Variants in TLE1 observed in about 807,000 individuals in gnomAD.
TLE1 encodes the protein transducin-like enhancer protein 1.
In TLE1, 21 loss-of-function variants were observed where a neutral mutation model predicts 89.8. The observed-to-expected ratio is 0.23, with a 90% CI of 0.17 to 0.34. TLE1 has a LOEUF of 0.34. Ranked by LOEUF, TLE1 falls within the 10% of genes least tolerant of loss-of-function variation. The pLI, the probability that TLE1 is intolerant of heterozygous loss-of-function variation, is 1.00. For missense variants in TLE1, 795 were observed against 1,031.2 expected (o/e 0.77, Z 3.14); for synonymous variants, 447 against 407.6 (o/e 1.10, Z -1.16).
At position 81,613,445 on chromosome 9, in the gene TLE1, C is replaced by T; in HGVS notation, c.995G>A (p.Ser332Asn). 1.2e-6 allele frequency: 2 copies of T among 1,614,188 alleles called. No homozygotes were observed. Among genetic ancestry groups the T allele is most frequent in the Non-Finnish European group, 1.7e-6 (2 of 1,180,026 alleles). The change falls in exon 12 of 20, where the codon AGC becomes AAC. Residue 332 changes from serine (S) to asparagine (N), a missense_variant. Coordinates refer to ENST00000376499, the MANE Select transcript of TLE1 (RefSeq NM_005077.5). ...PRSDMPTPGT[S>N]ATPGLRPGLG... ...ACCTGGACGGAGGCCTGGAGTGGCG[C>T]TGGTGCCCGGCGTTGGCATGTCGCT...
intron 2 of TLE1, 37 bp downstream of exon 2, chr9:81,687,297 G>T: frequency 6.4e-7 from 1 of 1,562,428 alleles, no homozygotes; most frequent in Non-Finnish European, 8.7e-7. Flanking sequence ...GCACCGGGAC[G>T]CCCGCGACCA....
intron 4 of TLE1, among the ~76,000 whole-genome samples, chr9:81,672,629 A>G (rs1327738663): frequency 6.6e-6 from 1 of 152,076 alleles, no homozygotes; most frequent in East Asian, 1.9e-4. Flanking sequence ...AGAAAACTAC[A>G]TGCACACACT....
At chr9:81,660,934 AAC>A (rs548190067) in intron 4 of TLE1, among the ~76,000 whole-genome samples, 8,714 of 88,664 alleles carry the variant, frequency 0.098, 378 homozygotes, top group East Asian at 0.23. Context: ...ATCCCTACTA[AAC>A]ACACACACAC....
chr9:81,621,969 C>T (rs1012424956), intron 8 of TLE1, among the ~76,000 whole-genome samples: 6 of 152,284 alleles, frequency 3.9e-5, no homozygotes, highest in South Asian at 2.1e-4. Context: ...TATAGAGAAG[C>T]TCTAAGTAAT....
intron 4 of TLE1, among the ~76,000 whole-genome samples, chr9:81,676,744 C>G (rs1832950040): frequency 6.6e-6 from 1 of 152,180 alleles, no homozygotes; most frequent in South Asian, 2.1e-4. Flanking sequence ...TTTACATCTG[C>G]TATCTTAAAG....
intron 4 of TLE1, among the ~76,000 whole-genome samples, chr9:81,685,343 C>A (rs1183341077): frequency 6.6e-6 from 1 of 152,172 alleles, no homozygotes; most frequent in Non-Finnish European, 1.5e-5. Flanking sequence ...CTATTCTAAA[C>A]TTCAGCAACT....
intron 6 of TLE1, among the ~76,000 whole-genome samples, chr9:81,638,975 G>A (rs1484935505): frequency 6.6e-6 from 1 of 152,098 alleles, no homozygotes; most frequent in Non-Finnish European, 1.5e-5. Flanking sequence ...CCAGGCTGGA[G>A]TGCAGCAGTG....
In TLE1 at chr9:81,620,999, G is replaced by A. The variant is rs78255581; in HGVS notation, c.595-442C>T. On this transcript the variant is annotated intron_variant, in intron 8 of 19. Transcript: ENST00000376499. ...CACTCTAAAAAGGCACAAAGGAAGC[G>A]GTGGGATTAACAGCATGGTTTCCTA... The A allele has an allele frequency of 1.5e-3, 588 of 397,890 alleles. 6 individuals carry two copies. Among genetic ancestry groups the A allele is most frequent in the African/African-American group, 0.011 (526 of 48,198 alleles). 24.6% of individuals were successfully genotyped at this position (397,890 alleles called of 1,614,324 possible).
At chr9:81,677,564 C>CAAAAA (rs60091510) in intron 4 of TLE1, among the ~76,000 whole-genome samples, 1 of 85,594 alleles carries the variant, frequency 1.2e-5, no homozygotes, top group African/African-American at 5.0e-5. Flanking sequence ...GACTCCATCT[C>CAAAAA]AAAAAAAAAA....
At chr9:81,588,344 C>A (rs562533382) in intron 16 of TLE1, among the ~76,000 whole-genome samples, 1 of 152,122 alleles carries the variant, frequency 6.6e-6, no homozygotes, top group Non-Finnish European at 1.5e-5. Context: ...CAATGCCCTA[C>A]GTGCCAACAG....
intron 9 of TLE1, among the ~76,000 whole-genome samples, chr9:81,617,695 C>G (rs911653790): frequency 1.3e-5 from 2 of 151,786 alleles, no homozygotes; most frequent in Non-Finnish European, 1.5e-5. Flanking sequence ...TAGCAAGACT[C>G]TGTCACAAAA....
At chr9:81,622,151 G>C (rs373671075) in intron 8 of TLE1, among the ~76,000 whole-genome samples, 5 of 152,184 alleles carry the variant, frequency 3.3e-5, no homozygotes, top group Non-Finnish European at 5.9e-5. Context: ...AAGCTGGGCC[G>C]GGGCAGCAGC....
intron 4 of TLE1, among the ~76,000 whole-genome samples, chr9:81,660,857 G>T (rs921447548): frequency 1.5e-4 from 23 of 150,002 alleles, no homozygotes; most frequent in African/African-American, 5.6e-4. Flanking sequence ...AGCACTTTGG[G>T]AGGCCGAGGC....
At chr9:81,589,461 T>C (rs1207269921) in intron 16 of TLE1, among the ~76,000 whole-genome samples, 1 of 152,096 alleles carries the variant, frequency 6.6e-6, no homozygotes, top group Non-Finnish European at 1.5e-5. Context: ...CACCTGTGAG[T>C]GGTCCAGAGA....
chr9:81,652,368 C>T lies in TLE1; in HGVS notation c.298-80G>A, dbSNP rs1250201315. 2.4e-6 allele frequency: 3 copies of T among 1,237,890 alleles called. No homozygotes were observed. In the Admixed American group the frequency reaches 5.3e-5, roughly 22 times the overall value. 76.7% of individuals were successfully genotyped at this position (1,237,890 alleles called of 1,614,324 possible). A position where few individuals can be genotyped will look rare whatever the true frequency, so the allele number is the denominator to read the frequency against. Reference sequence around the variant, plus strand: ...TATTCTAACAACAAAAAGTCAAATGCTGTGTGCAATGCAGGCTGAAGTAGA... The same window carrying T: ...TATTCTAACAACAAAAAGTCAAATGTTGTGTGCAATGCAGGCTGAAGTAGA... On this transcript the variant is annotated intron_variant, in intron 5 of 19. Coordinates refer to ENST00000376499, the MANE Select transcript of TLE1 (RefSeq NM_005077.5).
At chr9:81,680,767 T>C (rs1221872553) in intron 4 of TLE1, among the ~76,000 whole-genome samples, 1 of 152,128 alleles carries the variant, frequency 6.6e-6, no homozygotes. Context: ...ACCACTCCAA[T>C]CTTGATGACA....
chr9:81,687,294 G>A (rs1355164857), intron 2 of TLE1, 40 bp downstream of exon 2: 1 of 1,556,902 alleles, frequency 6.4e-7, no homozygotes, highest in South Asian at 1.2e-5. Flanking sequence ...GGGGCACCGG[G>A]ACGCCCGCGA....
Position 81,584,221 on chromosome 9 carries a change from T to A in TLE1, c.2290A>T (p.Thr764Ser). Residue 764 changes from threonine to serine, a missense_variant, in exon 20 of 20, where the codon ACA (threonine) becomes TCA (serine). By Grantham distance (58) the Thr-to-Ser change is moderately conservative. Transcript: ENST00000376499. ...TTTCAGTAGATGACTTCATAGACTGTAGCCTTCTTGTCCCCCGAGCCAGTG... is the reference window on the plus strand; with the variant it reads ...TTTCAGTAGATGACTTCATAGACTGAAGCCTTCTTGTCCCCCGAGCCAGTG... ...IVTGSGDKKA[T>S]VYEVIY 1 of 1,614,140 alleles carries A rather than the reference T, an allele frequency of 6.2e-7. No individual in the cohort carries two copies.
chr9:81,659,891 T>C (rs559524622), intron 4 of TLE1, among the ~76,000 whole-genome samples: 303 of 152,204 alleles, frequency 2.0e-3, no homozygotes, highest in Middle Eastern at 0.014. Context: ...GCTGTACAAA[T>C]ATGAGAGATC....
Sources: allele counts gnomAD v4.1 joint callset (sites outside exome capture counted in the v4.1 genomes callset), GRCh38; gene constraint gnomAD v4.1.1; transcripts MANE v1.5; gene names NCBI Gene and HGNC (gene_info 2026-07-23, HGNC 2026-07-21).